ARHGAP26: variants seen among roughly 807,000 people sequenced by gnomAD.
ARHGAP26 encodes rho GTPase-activating protein 26.
Under a neutral mutation model 104.8 loss-of-function variants are expected in ARHGAP26, and 38 were observed. That is an observed-to-expected ratio of 0.36 (90% CI 0.28 to 0.48). The LOEUF (loss-of-function observed/expected upper bound fraction) is 0.48. Among genes scored for constraint, ARHGAP26 ranks in the 20% least tolerant of loss-of-function variants. The probability of loss-of-function intolerance (pLI) is 0.99; values close to 1 mark genes in which losing one functional copy is unlikely to be tolerated. For missense variants in ARHGAP26, 704 were observed against 947.9 expected, an observed-to-expected ratio of 0.74 and a Z score of 3.38; for synonymous variants, 341 against 340.0, an observed-to-expected ratio of 1.00 and a Z score of -0.03.
chr5:143,197,783 C>A (rs73796990), intron 20 of ARHGAP26, among the ~76,000 whole-genome samples: 3,613 of 152,228 alleles, frequency 0.024, 146 homozygotes, highest in African/African-American at 0.081. Flanking sequence ...GGTCTATAAT[C>A]CATCTGGAAC....
intron 18 of ARHGAP26, among the ~76,000 whole-genome samples, chr5:143,131,612 A>C (rs186055259): frequency 1.5e-4 from 23 of 152,346 alleles, no homozygotes; most frequent in South Asian, 4.1e-4. Context: ...CAGCTTTTGT[A>C]GTGAAGATTG....
At chr5:143,064,590 T>A (rs2150341109) in intron 17 of ARHGAP26, among the ~76,000 whole-genome samples, 1 of 152,088 alleles carries the variant, frequency 6.6e-6, no homozygotes, top group East Asian at 1.9e-4. Flanking sequence ...CAAAGGAAAA[T>A]CTATTTAAAG....
chr5:142,926,451 A>G (rs1276346335), intron 10 of ARHGAP26, among the ~76,000 whole-genome samples: 1 of 152,230 alleles, frequency 6.6e-6, no homozygotes, highest in African/African-American at 2.4e-5. Flanking sequence ...TGAGCTCTAC[A>G]GAGGATTTTT....
intron 20 of ARHGAP26, among the ~76,000 whole-genome samples, chr5:143,186,717 A>G (rs1257394907): frequency 2.0e-5 from 3 of 152,160 alleles, no homozygotes; most frequent in African/African-American, 7.2e-5. Flanking sequence ...TGGTAATACA[A>G]CCTGAGCACC....
chr5:142,944,028 AT>A (rs1306907614), intron 11 of ARHGAP26, among the ~76,000 whole-genome samples: 1 of 152,186 alleles, frequency 6.6e-6, no homozygotes, highest in Non-Finnish European at 1.5e-5. Context: ...TTCTTTACCC[AT>A]CTAAAGAATG....
chr5:143,131,164 C>T (rs1455423643), intron 18 of ARHGAP26, among the ~76,000 whole-genome samples: 1 of 152,170 alleles, frequency 6.6e-6, no homozygotes, highest in African/African-American at 2.4e-5. Flanking sequence ...TGTTTGTTAC[C>T]ATGTCTCTTC....
chr5:142,931,247 A>C lies in ARHGAP26; in HGVS notation c.1029-800A>C, dbSNP rs1338497616. 2.6e-5 allele frequency among the ~76,000 whole-genome samples: 4 copies of C among 152,234 alleles called. No homozygotes were observed. The South Asian group carries it at 8.3e-4, about 31-fold the overall frequency. ...ACACTCTGGGATCTATTTTCACCCT[A>C]AATGAAGAACTCCTGCTTTAATGGG... On this transcript the variant is annotated intron_variant, in intron 10 of 22. Coordinates refer to ENST00000645722, the MANE Select transcript of ARHGAP26 (RefSeq NM_001135608.3).
chr5:143,070,110 G>T (rs1788039855), intron 17 of ARHGAP26, among the ~76,000 whole-genome samples: 3 of 152,044 alleles, frequency 2.0e-5, no homozygotes, highest in Admixed American at 2.0e-4. Flanking sequence ...GGCAAATGTG[G>T]GGGGGTTCCC....
chr5:142,879,421 A>T lies in ARHGAP26; in HGVS notation c.360A>T (p.Arg120=). 2 of 1,613,978 alleles carry T rather than the reference A, an allele frequency of 1.2e-6. No individual in the cohort carries two copies. The highest frequency in any genetic ancestry group is 1.7e-6 in the Non-Finnish European group (2 of 1,179,942). The change falls in exon 4 of 23, where the codon CGA becomes CGT. Residue 120 remains arginine (R), a synonymous_variant. Coordinates refer to ENST00000645722, the MANE Select transcript of ARHGAP26 (RefSeq NM_001135608.3). ...TCATCACTCCCTTGGAGAAGTTTCG[A>T]AAGGAACAGATCGGGGCTGCCAAGG... The part of the protein sequence containing the change: ...EVLITPLEKF[R]KEQIGAAKEA...
At chr5:143,216,355 G>A (rs148611502) in intron 22 of ARHGAP26, 11 of 465,528 alleles carry the variant, frequency 2.4e-5, no homozygotes, top group East Asian at 2.1e-4. Context: ...TTTGAAAAAC[G>A]GAAATGGCAT....
At chr5:143,105,811 G>A (rs10875600) in intron 17 of ARHGAP26, among the ~76,000 whole-genome samples, 116,457 of 152,116 alleles carry the variant, frequency 0.77, 47,902 homozygotes, top group Non-Finnish European at 0.92. Flanking sequence ...GGGCGTTATG[G>A]GAAAGTAACG....
chr5:142,915,252 T>C (rs1762326611), intron 10 of ARHGAP26, among the ~76,000 whole-genome samples: 2 of 151,780 alleles, frequency 1.3e-5, no homozygotes, highest in South Asian at 4.2e-4. Context: ...GCATACTGAG[T>C]GGGCTTGCGA....
chr5:143,137,948 C>T (rs1334766727), intron 19 of ARHGAP26, among the ~76,000 whole-genome samples: 2 of 152,228 alleles, frequency 1.3e-5, no homozygotes, highest in Non-Finnish European at 2.9e-5. Context: ...AGAAGAAGCT[C>T]CTCAGGCTCA....
At chr5:142,949,182 A>AGAGAGAGAGAGAGAGAGAGAGAGAGAG (rs1767710192) in intron 11 of ARHGAP26, among the ~76,000 whole-genome samples, 1 of 16,248 alleles carries the variant, frequency 6.2e-5, no homozygotes, top group African/African-American at 6.8e-4. Context: ...AGAGAGAGAG[A>AGAGAGAGAGAGAGAGAGAGAGAGAGAG]GAGAGAGAGA....
At chr5:143,117,908 A>C (rs192100881) in intron 17 of ARHGAP26, among the ~76,000 whole-genome samples, 71 of 152,348 alleles carry the variant, frequency 4.7e-4, no homozygotes, top group African/African-American at 1.7e-3. Context: ...TTATTGCCTT[A>C]GTGAAAGCTC....
At chr5:143,105,207 C>G (rs1188127880) in intron 17 of ARHGAP26, among the ~76,000 whole-genome samples, 2 of 151,944 alleles carry the variant, frequency 1.3e-5, no homozygotes, top group Non-Finnish European at 2.9e-5. Flanking sequence ...GAAACCCTGT[C>G]TCTACTAAAA....
intron 3 of ARHGAP26, among the ~76,000 whole-genome samples, chr5:142,875,908 T>C (rs536560605): frequency 1.3e-5 from 2 of 152,264 alleles, no homozygotes; most frequent in East Asian, 3.9e-4. Flanking sequence ...GCCTAGCTAA[T>C]TTATTTTTGT....
intron 11 of ARHGAP26, among the ~76,000 whole-genome samples, chr5:143,002,051 A>G (rs1777258530): frequency 1.3e-5 from 2 of 152,086 alleles, no homozygotes; most frequent in South Asian, 2.1e-4. Flanking sequence ...CATTGTGGGG[A>G]TGAAGGCGAT....
chr5:143,007,331 G>A (rs928335199), intron 11 of ARHGAP26, among the ~76,000 whole-genome samples: 2 of 152,146 alleles, frequency 1.3e-5, no homozygotes, highest in African/African-American at 4.8e-5. Flanking sequence ...GTGCTGATAG[G>A]TTTTAGGAGG....
Sources: gnomAD v4.1 joint callset for allele counts (sites outside exome capture counted in the v4.1 genomes callset) on GRCh38, gnomAD v4.1.1 for gene constraint, MANE v1.5 for transcripts, NCBI Gene and HGNC (gene_info 2026-07-23, HGNC 2026-07-21) for gene names.